PLD5: variants seen among roughly 807,000 people sequenced by gnomAD.
PLD5 encodes inactive phospholipase D5.
In PLD5, 36 loss-of-function variants were observed where a neutral mutation model predicts 61.1. The ratio of observed to expected loss-of-function variants is 0.59; its 90% CI spans 0.45 to 0.78. The LOEUF (loss-of-function observed/expected upper bound fraction) is 0.78. Among genes scored for constraint, PLD5 ranks in the 30% least tolerant of loss-of-function variants. The pLI is 0.00. For synonymous variants in PLD5, 243 were observed against 242.8 expected, an observed-to-expected ratio of 1.00 and a Z score of -0.01; for missense variants, 515 against 644.4, an observed-to-expected ratio of 0.80 and a Z score of 2.17.
Position 242,107,827 on chromosome 1 carries a change from T to C in PLD5, c.1083A>G (p.Pro361=). The change falls in exon 8 of 10, where the codon CCA becomes CCG. Residue 361 remains proline (P), a synonymous_variant. Coordinates refer to ENST00000536534, the MANE Select transcript of PLD5 (RefSeq NM_001372062.1). ...SSTSTKRTYW[P]DLDAKIREAL... ...CTTCTCTTATTTTTGCATCCAAGTC[T>C]GGCCAGTAAGTCCTGCAGAAATCAT... 1 of 1,594,612 alleles carries C rather than the reference T, an allele frequency of 6.3e-7. No homozygotes were observed. Among genetic ancestry groups the C allele is most frequent in the South Asian group, 1.2e-5 (1 of 86,794 alleles).
intron 3 of PLD5, among the ~76,000 whole-genome samples, chr1:242,277,802 G>C (rs535639581): frequency 1.1e-4 from 17 of 152,008 alleles, no homozygotes; most frequent in African/African-American, 3.9e-4. Flanking sequence ...GGCCAACACG[G>C]TGAAACCTCA....
At chr1:242,167,636 A>C (rs1666425922) in intron 5 of PLD5, among the ~76,000 whole-genome samples, 1 of 152,200 alleles carries the variant, frequency 6.6e-6, no homozygotes, top group Non-Finnish European at 1.5e-5. Flanking sequence ...TTTCACATAC[A>C]TGATATTGTT....
At chr1:242,489,472 G>A (rs112047819) in intron 1 of PLD5, among the ~76,000 whole-genome samples, 244 of 151,952 alleles carry the variant, frequency 1.6e-3, no homozygotes, top group African/African-American at 4.8e-3. Flanking sequence ...AGGGAGGAAG[G>A]GAGAGAGAAG....
At chr1:242,255,881 A>G (rs945770162) in intron 4 of PLD5, among the ~76,000 whole-genome samples, 1 of 152,240 alleles carries the variant, frequency 6.6e-6, no homozygotes, top group East Asian at 1.9e-4. Context: ...ACAGAGATTT[A>G]GTCTTATTTC....
intron 1 of PLD5, among the ~76,000 whole-genome samples, chr1:242,446,284 A>T (rs1666534798): frequency 6.6e-6 from 1 of 151,876 alleles, no homozygotes; most frequent in Non-Finnish European, 1.5e-5. Context: ...AAGAAAAATA[A>T]AGAACCTGGA....
intron 5 of PLD5, among the ~76,000 whole-genome samples, chr1:242,215,687 G>A (rs1670141439): frequency 6.6e-6 from 1 of 152,038 alleles, no homozygotes; most frequent in South Asian, 2.1e-4. Context: ...ACCTAACCCG[G>A]TACCAGAAAT....
chr1:242,233,663 T>C (rs1341712857), intron 4 of PLD5, among the ~76,000 whole-genome samples: 1 of 152,034 alleles, frequency 6.6e-6, no homozygotes, highest in Non-Finnish European at 1.5e-5. Flanking sequence ...CTTCAGAGGT[T>C]TGGCTTTGTT....
At chr1:242,135,892 C>A (rs899703860) in intron 5 of PLD5, among the ~76,000 whole-genome samples, 1 of 152,138 alleles carries the variant, frequency 6.6e-6, no homozygotes, top group African/African-American at 2.4e-5. Context: ...CTGACTTACG[C>A]CTCCTGTGGC....
chr1:242,464,186 T>C (rs1667206786), intron 1 of PLD5, among the ~76,000 whole-genome samples: 1 of 152,224 alleles, frequency 6.6e-6, no homozygotes, highest in African/African-American at 2.4e-5. Flanking sequence ...ATGTCCCTTC[T>C]TTTTGACCCA....
At chr1:242,509,874 G>C (rs1668847958) in intron 1 of PLD5, among the ~76,000 whole-genome samples, 1 of 152,120 alleles carries the variant, frequency 6.6e-6, no homozygotes, top group Admixed American at 6.5e-5. Context: ...TCAGTGTGGA[G>C]AAAAAGCATC....
chr1:242,373,548 C>T lies in PLD5; in HGVS notation c.190-25306G>A, dbSNP rs550625348. 1.6e-4 allele frequency among the ~76,000 whole-genome samples: 25 copies of T among 152,262 alleles called. No homozygotes were observed. The South Asian group carries it at 5.0e-3, about 30-fold the overall frequency. ...CACAATAGCAGAGACCTGGAACCAA[C>T]CGAAATGTCCATCAATGATAGACTG... On this transcript the variant is annotated intron_variant, in intron 1 of 9. Coordinates refer to ENST00000536534, the MANE Select transcript of PLD5 (RefSeq NM_001372062.1).
intron 1 of PLD5, among the ~76,000 whole-genome samples, chr1:242,471,910 C>T (rs1328180591): frequency 6.6e-6 from 1 of 152,130 alleles, no homozygotes; most frequent in Non-Finnish European, 1.5e-5. Context: ...AAGCAATTTG[C>T]TTTAATTAAG....
chr1:242,411,617 A>T (rs1424550290), intron 1 of PLD5, among the ~76,000 whole-genome samples: 1 of 152,172 alleles, frequency 6.6e-6, no homozygotes, highest in Non-Finnish European at 1.5e-5. Flanking sequence ...TGTATAATAC[A>T]TTTTAGGAAT....
At chr1:242,478,074 C>T (rs1331308119) in intron 1 of PLD5, among the ~76,000 whole-genome samples, 3 of 152,194 alleles carry the variant, frequency 2.0e-5, no homozygotes, top group Non-Finnish European at 4.4e-5. Context: ...TTCTTTAAAG[C>T]ACATTTCAAA....
chr1:242,381,819 G>C (rs768086424), intron 1 of PLD5, among the ~76,000 whole-genome samples: 1 of 152,158 alleles, frequency 6.6e-6, no homozygotes, highest in Non-Finnish European at 1.5e-5. Flanking sequence ...ACAAGTGTTA[G>C]GGGAGGAAAA....
intron 5 of PLD5, among the ~76,000 whole-genome samples, chr1:242,165,451 GGAA>G (rs201704155): frequency 0.16 from 11,584 of 70,892 alleles, 799 homozygotes; most frequent in African/African-American, 0.26. Flanking sequence ...GGCTTTAAAG[GGAA>G]AAAAAAAAAA....
intron 4 of PLD5, chr1:242,235,921 C>T (rs1305829755): frequency 2.0e-5 from 3 of 152,108 alleles, no homozygotes; most frequent in Non-Finnish European, 4.4e-5. Flanking sequence ...AATTCATTTG[C>T]CTGGAAGAAA....
At chr1:242,144,591 G>T (rs1664417127) in intron 5 of PLD5, among the ~76,000 whole-genome samples, 1 of 151,980 alleles carries the variant, frequency 6.6e-6, no homozygotes, top group African/African-American at 2.4e-5. Flanking sequence ...GACCAACCTG[G>T]CCAACATGGT....
chr1:242,136,104 C>A (rs1441090621), intron 5 of PLD5, among the ~76,000 whole-genome samples: 1 of 152,188 alleles, frequency 6.6e-6, no homozygotes, highest in African/African-American at 2.4e-5. Flanking sequence ...AGCTGTGACT[C>A]CTTTAACTTT....
Sources: gnomAD v4.1 joint callset for allele counts (sites outside exome capture counted in the v4.1 genomes callset) on GRCh38, gnomAD v4.1.1 for gene constraint, MANE v1.5 for transcripts, NCBI Gene and HGNC (gene_info 2026-07-23, HGNC 2026-07-21) for gene names.